ANKRD13C: variants seen among roughly 807,000 people sequenced by gnomAD.
ANKRD13C encodes ankyrin repeat domain 13C.
Under a neutral mutation model 65.5 loss-of-function variants are expected in ANKRD13C, and 16 were observed. The ratio of observed to expected loss-of-function variants is 0.24; its 90% CI spans 0.17 to 0.37. The LOEUF is 0.37. Among genes scored for constraint, ANKRD13C ranks in the 10% least tolerant of loss-of-function variants. The pLI is 1.00. For synonymous variants in ANKRD13C, 235 were observed against 238.7 expected (o/e 0.98, Z 0.14); for missense variants, 503 against 655.9 (o/e 0.77, Z 2.55).
At chr1:70,297,284 C>CTGGTTTTT (rs1680122592) in intron 7 of ANKRD13C, among the ~76,000 whole-genome samples, 1 of 119,184 alleles carries the variant, frequency 8.4e-6, no homozygotes, top group Non-Finnish European at 1.7e-5. Context: ...GAGTCCCTTT[C>CTGGTTTTT]TGATTTTTTT....
intron 7 of ANKRD13C, among the ~76,000 whole-genome samples, chr1:70,299,614 G>C (rs1247722218): frequency 2.6e-5 from 4 of 152,188 alleles, no homozygotes; most frequent in African/African-American, 9.7e-5. Context: ...TATGTGCTCT[G>C]ATGAGAAAAC....
chr1:70,313,403 G>A (rs770974613), intron 5 of ANKRD13C, among the ~76,000 whole-genome samples: 2 of 151,868 alleles, frequency 1.3e-5, no homozygotes, highest in Non-Finnish European at 2.9e-5. Flanking sequence ...GACGGCATGT[G>A]CCTGTGGTCC....
At chr1:70,297,615 C>T (rs751768181) in intron 7 of ANKRD13C, among the ~76,000 whole-genome samples, 1 of 147,812 alleles carries the variant, frequency 6.8e-6, no homozygotes, top group Non-Finnish European at 1.5e-5. Flanking sequence ...CCTGAATTTC[C>T]AAAAACAATA....
chr1:70,271,306 T>C (rs995623311), intron 11 of ANKRD13C, among the ~76,000 whole-genome samples: 16 of 152,202 alleles, frequency 1.1e-4, no homozygotes, highest in Non-Finnish European at 1.8e-4. Flanking sequence ...ATTTGATAAA[T>C]GATTGCTTCT....
chr1:70,268,893 A>T (rs58639674), intron 12 of ANKRD13C, among the ~76,000 whole-genome samples: 13,000 of 151,764 alleles, frequency 0.086, 684 homozygotes, highest in East Asian at 0.29. Flanking sequence ...GTTTTTTTTT[A>T]AAATTATTAT....
chr1:70,328,937 A>ATGTAT (rs1046691925), intron 2 of ANKRD13C, among the ~76,000 whole-genome samples: 3 of 152,218 alleles, frequency 2.0e-5, no homozygotes, highest in Non-Finnish European at 4.4e-5. Flanking sequence ...GTATGTATAC[A>ATGTAT]TGTATAGGGG....
chr1:70,303,702 T>G (rs1680472263), intron 6 of ANKRD13C, among the ~76,000 whole-genome samples: 1 of 152,218 alleles, frequency 6.6e-6, no homozygotes. Context: ...AAGATTTCTC[T>G]TTGAATATAT....
chr1:70,300,799 T>A lies in ANKRD13C; in HGVS notation c.886A>T (p.Asn296Tyr), dbSNP rs1457398278. 1 of 1,612,016 alleles carries A rather than the reference T, an allele frequency of 6.2e-7. No homozygotes were observed. The highest frequency in any genetic ancestry group is 1.7e-5 in the Admixed American group (1 of 59,450). ...APSESFVVLD[N>Y]EQKVYQRIHH... ...ATTCGCTGATAAACTTTTTGTTCAT[T>A]GTCTAATACTACAAAAGATTCAGAG... Residue 296 changes from asparagine to tyrosine, a missense_variant, in exon 7 of 13, where the codon AAT becomes TAT. Transcript: ENST00000370944.
intron 5 of ANKRD13C, among the ~76,000 whole-genome samples, chr1:70,311,362 C>T (rs1680842091): frequency 6.6e-6 from 1 of 152,094 alleles, no homozygotes; most frequent in South Asian, 2.1e-4. Context: ...GTAGTCCCAG[C>T]TACTCGGGAG....
intron 5 of ANKRD13C, among the ~76,000 whole-genome samples, chr1:70,311,679 A>G (rs1234350643): frequency 1.3e-5 from 2 of 152,188 alleles, no homozygotes; most frequent in African/African-American, 4.8e-5. Flanking sequence ...ACTTAAAAAT[A>G]CCTGATTAAT....
In ANKRD13C at chr1:70,354,065, G is replaced by A. The variant is rs765046846; in HGVS notation, c.344C>T (p.Pro115Leu). Residue 115 changes from proline (P) to leucine (L), a missense_variant, in exon 1 of 13, where the codon CCG becomes CTG. By Grantham distance (98) the Pro-to-Leu change is moderately conservative. Coordinates refer to ENST00000370944, the MANE Select transcript of ANKRD13C (RefSeq NM_030816.5). ...CCCCTTGAAGACGCACTCGTGCACC[G>A]GGTAGTGTGCGGGGCAACTGCCTCC... ...ADGGSCPAHY[P>L]VHECVFKGDV... The A allele has an allele frequency of 1.2e-6, 2 of 1,607,294 alleles. No individual in the cohort carries two copies. The highest frequency in any genetic ancestry group is 1.7e-6 in the Non-Finnish European group (2 of 1,175,890).
intron 12 of ANKRD13C, among the ~76,000 whole-genome samples, chr1:70,269,034 C>A: frequency 8.5e-6 from 1 of 117,920 alleles, no homozygotes; most frequent in African/African-American, 3.2e-5. Flanking sequence ...TGCTATCCCT[C>A]CCCCCTCCCC....
chr1:70,283,305 T>C (rs1301251241), intron 9 of ANKRD13C, among the ~76,000 whole-genome samples: 2 of 152,160 alleles, frequency 1.3e-5, no homozygotes, highest in Non-Finnish European at 2.9e-5. Context: ...CTTTAAGTTA[T>C]TTTGCCAAAT....
chr1:70,270,213 G>A (rs1288523749), intron 12 of ANKRD13C, among the ~76,000 whole-genome samples: 1 of 152,038 alleles, frequency 6.6e-6, no homozygotes, highest in East Asian at 1.9e-4. Context: ...TGAAAATCTG[G>A]GCTAATCTCT....
chr1:70,261,797 AAAAC>A lies in ANKRD13C; in HGVS notation c.*916_*919del, dbSNP rs1343036610. The A allele has an allele frequency of 5.2e-5, 8 of 152,638 alleles. No homozygotes were observed. The East Asian group carries it at 7.7e-4, about 15-fold the overall frequency. The allele number at this position is 152,638 out of a possible 1,614,324, so 9.5% of individuals were successfully genotyped here. On this transcript the variant is annotated 3_prime_UTR_variant, in exon 13 of 13. Transcript: ENST00000370944. ...ACACCAATGCATCCATATTCTACTA[AAAAC>A]AAACAAAATAATCAGACCGATGTGT... is the stretch of plus-strand genomic sequence containing the variant.
At chr1:70,270,265 A>C (rs143850291) in intron 12 of ANKRD13C, among the ~76,000 whole-genome samples, 65 of 152,328 alleles carry the variant, frequency 4.3e-4, no homozygotes, top group African/African-American at 1.3e-3. Context: ...ACAATACATC[A>C]TTAGTTTACC....
At chr1:70,331,191 C>T (rs1313784020) in intron 2 of ANKRD13C, among the ~76,000 whole-genome samples, 1 of 152,114 alleles carries the variant, frequency 6.6e-6, no homozygotes, top group Non-Finnish European at 1.5e-5. Context: ...ACTAAAGGTA[C>T]AGTGTATCTT....
At chr1:70,278,494 C>T (rs1422836320) in intron 9 of ANKRD13C, among the ~76,000 whole-genome samples, 1 of 151,206 alleles carries the variant, frequency 6.6e-6, no homozygotes, top group Non-Finnish European at 1.5e-5. Flanking sequence ...GCACTCCAGC[C>T]TGGGAAACAG....
Position 70,324,900 on chromosome 1 carries a change from C to T in ANKRD13C, c.530G>A (p.Gly177Glu). The change falls in exon 3 of 13, where the codon GGA (glycine) becomes GAA (glutamate). Residue 177 changes from glycine (G) to glutamate (E), a missense_variant. Physicochemically the swap from Gly to Glu is moderately conservative, Grantham distance 98. Coordinates refer to ENST00000370944, the MANE Select transcript of ANKRD13C (RefSeq NM_030816.5). ...GATGGCTTCCGCCAGAGGGCTCCAT[C>T]CCTGAGCATTTTTCACCTTGACTGG... ...NAPVKVKNAQ[G>E]WSPLAEAISY... The T allele has an allele frequency of 6.2e-7, 1 of 1,611,726 alleles. No homozygotes were observed. Among genetic ancestry groups the T allele is most frequent in the South Asian group, 1.1e-5 (1 of 90,616 alleles).
Sources: gnomAD v4.1 joint callset for allele counts (sites outside exome capture counted in the v4.1 genomes callset) on GRCh38, gnomAD v4.1.1 for gene constraint, MANE v1.5 for transcripts, NCBI Gene and HGNC (gene_info 2026-07-23, HGNC 2026-07-21) for gene names.